RUBCNL: variants seen among roughly 807,000 people sequenced by gnomAD.
The protein encoded by RUBCNL is rubicon like autophagy enhancer, also known as protein associated with UVRAG as autophagy enhancer.
Under a neutral mutation model 69.5 loss-of-function variants are expected in RUBCNL, and 62 were observed. That is an observed-to-expected ratio of 0.89 (90% CI 0.73 to 1.10). RUBCNL has a LOEUF of 1.10. RUBCNL is among the 50% of genes least tolerant of loss of function. The pLI is 0.00. For synonymous variants in RUBCNL, 291 were observed against 303.6 expected (o/e 0.96, Z 0.43); for missense variants, 768 against 798.1 (o/e 0.96, Z 0.45).
rs1276718454 is a variant in RUBCNL, at chr13:46,339,922, C to A, written c.*3463G>T. ...CCCAGGAATTTATTCTCTCATAATT[C>A]TCAATGTCAGAAGTTTGAAATCAAG... On this transcript the variant is annotated 3_prime_UTR_variant, in exon 15 of 15. Transcript: ENST00000429979. Among the ~76,000 whole-genome samples, 1 of 151,712 alleles carries A rather than the reference C, an allele frequency of 6.6e-6. No homozygotes were observed. Among genetic ancestry groups the A allele is most frequent in the African/African-American group, 2.4e-5 (1 of 41,336 alleles).
chr13:46,353,419 C>T (rs2138707136), intron 10 of RUBCNL, among the ~76,000 whole-genome samples: 1 of 152,300 alleles, frequency 6.6e-6, no homozygotes, highest in Admixed American at 6.5e-5. Flanking sequence ...TGAATACATG[C>T]TGTTATACTA....
chr13:46,335,675 T>C lies in RUBCNL; in HGVS notation c.*7710A>G, dbSNP rs1448702131. On this transcript the variant is annotated 3_prime_UTR_variant, in exon 15 of 15. Coordinates refer to ENST00000429979, the MANE Select transcript of RUBCNL (RefSeq NM_025113.5). ...CTTGTACTGTAATAATGTCAGTGGC[T>C]GTGGTGAGCCATCAACTAAGATATA... 6.6e-6 allele frequency among the ~76,000 whole-genome samples: 1 copy of C among 152,202 alleles called. No homozygotes were observed. The highest frequency in any genetic ancestry group is 1.5e-5 in the Non-Finnish European group (1 of 68,030).
intron 10 of RUBCNL, among the ~76,000 whole-genome samples, chr13:46,352,189 T>C (rs1253146509): frequency 6.6e-6 from 1 of 152,160 alleles, no homozygotes; most frequent in African/African-American, 2.4e-5. Flanking sequence ...TCTAATAAAA[T>C]ACATTAACAA....
At chr13:46,385,545 A>C (rs2138862258) in intron 1 of RUBCNL, among the ~76,000 whole-genome samples, 1 of 152,260 alleles carries the variant, frequency 6.6e-6, no homozygotes, top group Non-Finnish European at 1.5e-5. Context: ...TTTGGTAACA[A>C]GGGAAACTAT....
At chr13:46,364,221 C>T (rs1354856467) in intron 5 of RUBCNL, among the ~76,000 whole-genome samples, 2 of 151,814 alleles carry the variant, frequency 1.3e-5, no homozygotes, top group African/African-American at 4.8e-5. Context: ...AGGTGAAACC[C>T]CATCTCTACT....
intron 9 of RUBCNL, among the ~76,000 whole-genome samples, chr13:46,359,157 TA>T (rs1213839233): frequency 2.6e-5 from 4 of 152,074 alleles, no homozygotes; most frequent in African/African-American, 9.7e-5. Flanking sequence ...TTATTGTATA[TA>T]ATTTTTAAGT....
At chr13:46,353,222 G>A (rs2048409425) in intron 10 of RUBCNL, among the ~76,000 whole-genome samples, 1 of 152,178 alleles carries the variant, frequency 6.6e-6, no homozygotes, top group Non-Finnish European at 1.5e-5. Context: ...AACAAATAAA[G>A]AGTTGTTTTT....
chr13:46,343,204 G>A lies in RUBCNL; in HGVS notation c.*181C>T. 2 of 1,020,422 alleles carry A rather than the reference G, an allele frequency of 2.0e-6. No individual in the cohort carries two copies. Among genetic ancestry groups the A allele is most frequent in the African/African-American group, 1.6e-5 (1 of 61,866 alleles). 63.2% of individuals were successfully genotyped at this position (1,020,422 alleles called of 1,614,324 possible). A position where few individuals can be genotyped will look rare whatever the true frequency, so the allele number is the denominator to read the frequency against. On this transcript the variant is annotated 3_prime_UTR_variant, in exon 15 of 15. Coordinates refer to ENST00000429979, the MANE Select transcript of RUBCNL (RefSeq NM_025113.5). ...AAACAAAACCACAACTATCAGCCCTGTGCTTAAACACAGAATCTGCATTCT... is the reference window on the plus strand; with the variant it reads ...AAACAAAACCACAACTATCAGCCCTATGCTTAAACACAGAATCTGCATTCT...
chr13:46,359,630 A>G lies in RUBCNL; in HGVS notation c.1121T>C (p.Val374Ala). 6.3e-7 allele frequency: 1 copy of G among 1,583,982 alleles called. No homozygotes were observed. The highest frequency in any genetic ancestry group is 8.6e-7 in the Non-Finnish European group (1 of 1,163,670). ...TTTTCGGACACACTCTTCATTTACG[A>G]CCTGCATAAGACATAAAATGATTTA... The part of the protein sequence containing the change: ...AGSLSAAGSI[V>A]VNEECVRKDF... The change falls in exon 9 of 15, where the codon GTC (valine) becomes GCC (alanine). Residue 374 changes from valine (V) to alanine (A), a missense_variant and splice_region_variant. Val to Ala is a moderately conservative substitution (Grantham distance 64). Coordinates refer to ENST00000429979, the MANE Select transcript of RUBCNL (RefSeq NM_025113.5).
chr13:46,363,768 G>A (rs1348139671), intron 5 of RUBCNL, among the ~76,000 whole-genome samples: 1 of 151,750 alleles, frequency 6.6e-6, no homozygotes, highest in Non-Finnish European at 1.5e-5. Flanking sequence ...GACTGAGGTG[G>A]GAGAATCACT....
Position 46,346,461 on chromosome 13 carries a change from G to A in RUBCNL, c.1632-861C>T, listed in dbSNP as rs117707916. 3.6e-3 allele frequency among the ~76,000 whole-genome samples: 546 copies of A among 152,182 alleles called. 3 individuals carry two copies. The highest frequency in any genetic ancestry group is 5.8e-3 in the Non-Finnish European group (397 of 68,006). On this transcript the variant is annotated intron_variant, in intron 12 of 14. Coordinates refer to ENST00000429979, the MANE Select transcript of RUBCNL (RefSeq NM_025113.5). ...TCCGTTTGTATCCTCATGGTCCCCC[G>A]ACACGTGTCTAACACTCAGTCCAGC...
chr13:46,340,491 A>G lies in RUBCNL; in HGVS notation c.*2894T>C, dbSNP rs1456091713. ...ATCCTTATCTCAACTGCAGAGAGTC[A>G]TATCCCTCATTTTACAAACAGAGGC... On this transcript the variant is annotated 3_prime_UTR_variant, in exon 15 of 15. Coordinates refer to ENST00000429979, the MANE Select transcript of RUBCNL (RefSeq NM_025113.5). Among the ~76,000 whole-genome samples, 3 of 152,204 alleles carry G rather than the reference A, an allele frequency of 2.0e-5. No homozygotes were observed. Among genetic ancestry groups the G allele is most frequent in the Admixed American group, 6.5e-5 (1 of 15,286 alleles).
chr13:46,385,666 C>CAAAAAA (rs5803337), intron 1 of RUBCNL, among the ~76,000 whole-genome samples: 2 of 119,176 alleles, frequency 1.7e-5, no homozygotes, highest in East Asian at 4.4e-4. Context: ...AAAGATCATG[C>CAAAAAA]AAAAAAAAAA....
At chr13:46,344,486 C>T (rs542558568) in intron 14 of RUBCNL, among the ~76,000 whole-genome samples, 1 of 152,246 alleles carries the variant, frequency 6.6e-6, no homozygotes, top group East Asian at 1.9e-4. Flanking sequence ...AAGGGACCAT[C>T]TCCTCTATCC....
chr13:46,358,585 GCT>G (rs1566073678), intron 9 of RUBCNL, among the ~76,000 whole-genome samples: 1 of 151,884 alleles, frequency 6.6e-6, no homozygotes, highest in Non-Finnish European at 1.5e-5. Context: ...ATCGAGTCTC[GCT>G]CTGTCACCCA....
intron 14 of RUBCNL, among the ~76,000 whole-genome samples, chr13:46,344,008 T>C (rs2052711432): frequency 1.3e-5 from 2 of 152,182 alleles, no homozygotes; most frequent in African/African-American, 4.8e-5. Flanking sequence ...AGGGCTCCAC[T>C]GCAACCCCAC....
Position 46,340,716 on chromosome 13 carries a change from C to T in RUBCNL, c.*2669G>A, listed in dbSNP as rs908735178. Among the ~76,000 whole-genome samples the T allele has an allele frequency of 3.9e-5, 6 of 152,106 alleles. 1 individual carries two copies. Among genetic ancestry groups the T allele is most frequent in the African/African-American group, 1.2e-4 (5 of 41,404 alleles). ...CATGGTGGAGGGGAAGGGGAGCCTG[C>T]GTGTGCAGACTCCCCTTGTATGGAA... is the stretch of plus-strand genomic sequence containing the variant. On this transcript the variant is annotated 3_prime_UTR_variant, in exon 15 of 15. Coordinates refer to ENST00000429979, the MANE Select transcript of RUBCNL (RefSeq NM_025113.5).
chr13:46,346,293 G>A (rs946235486), intron 12 of RUBCNL, among the ~76,000 whole-genome samples: 7 of 152,164 alleles, frequency 4.6e-5, no homozygotes, highest in African/African-American at 1.7e-4. Context: ...AGCCTGAGGT[G>A]CCCACTCCTG....
intron 2 of RUBCNL, among the ~76,000 whole-genome samples, chr13:46,376,406 C>T (rs2048995862): frequency 6.6e-6 from 1 of 151,828 alleles, no homozygotes; most frequent in South Asian, 2.1e-4. Context: ...CATATACATG[C>T]ATCTTGAAAA....
Sources: gnomAD v4.1 joint callset for allele counts (sites outside exome capture counted in the v4.1 genomes callset) on GRCh38, gnomAD v4.1.1 for gene constraint, MANE v1.5 for transcripts, NCBI Gene and HGNC (gene_info 2026-07-23, HGNC 2026-07-21) for gene names.